CADM1: variants seen among roughly 807,000 people sequenced by gnomAD.
The protein encoded by CADM1 is cell adhesion molecule 1.
Under a neutral mutation model 53.1 loss-of-function variants are expected in CADM1, and 15 were observed. The observed-to-expected ratio is 0.28, with a 90% confidence interval of 0.19 to 0.44. CADM1 has a LOEUF of 0.44. CADM1 is among the 20% of genes least tolerant of loss of function. The probability of loss-of-function intolerance (pLI) is 1.00; values close to 1 mark genes in which losing one functional copy is unlikely to be tolerated. For synonymous variants in CADM1, 281 were observed against 243.0 expected, an observed-to-expected ratio of 1.16 and a Z score of -1.45; for missense variants, 434 against 611.3, an observed-to-expected ratio of 0.71 and a Z score of 3.06.
At chr11:115,477,512 A>T (rs1041635235) in intron 1 of CADM1, among the ~76,000 whole-genome samples, 1 of 152,204 alleles carries the variant, frequency 6.6e-6, no homozygotes, top group Admixed American at 6.5e-5. Context: ...TATATCCACA[A>T]TGTCAACACT....
Position 115,178,690 on chromosome 11 carries a change from C to A in CADM1, c.1251G>T (p.Met417Ile). The change falls in exon 11 of 12, where the codon ATG (methionine) becomes ATT (isoleucine). Residue 417 changes from methionine to isoleucine, a missense_variant. Physicochemically the swap from Met to Ile is conservative, Grantham distance 10. Coordinates refer to ENST00000331581, the MANE Select transcript of CADM1 (RefSeq NM_001301043.2). ...GCCCCAGAATGATGAGCAAGCACAG[C>A]ATGGCGAACACCACCACCGCCACGA... ...GGVVAVVVFAMLCLLIILGRY... is the reference protein window; with the variant it reads ...GGVVAVVVFAILCLLIILGRY... 1 of 1,613,722 alleles carries A rather than the reference C, an allele frequency of 6.2e-7. No individual in the cohort carries two copies. The highest frequency in any genetic ancestry group is 8.5e-7 in the Non-Finnish European group (1 of 1,179,990).
intron 3 of CADM1, among the ~76,000 whole-genome samples, chr11:115,237,258 T>C (rs1942040958): frequency 6.6e-6 from 1 of 152,212 alleles, no homozygotes; most frequent in South Asian, 2.1e-4. Context: ...ACAGGTCTAA[T>C]CTGGAGTAAA....
At position 115,318,240 on chromosome 11, in the gene CADM1, C is replaced by T. The variant is rs181521808; in HGVS notation, c.125-77820G>A. ...CCATTCCTTTTACTTAAAAGCCCTT[C>T]GTTCTTTCATATTCATACATTTAGA... On this transcript the variant is annotated intron_variant, in intron 1 of 11. Coordinates refer to ENST00000331581, the MANE Select transcript of CADM1 (RefSeq NM_001301043.2). 6.4e-4 allele frequency among the ~76,000 whole-genome samples: 98 copies of T among 152,254 alleles called. No individual in the cohort carries two copies. The Middle Eastern group carries it at 0.02, about 32-fold the overall frequency.
At chr11:115,329,732 G>T in intron 1 of CADM1, among the ~76,000 whole-genome samples, 1 of 152,092 alleles carries the variant, frequency 6.6e-6, no homozygotes, top group Non-Finnish European at 1.5e-5. Flanking sequence ...GAAGAATCAG[G>T]TCACACAGAC....
At chr11:115,200,192 ATACT>A (rs1199800814) in intron 8 of CADM1, among the ~76,000 whole-genome samples, 3 of 152,228 alleles carry the variant, frequency 2.0e-5, no homozygotes, top group Admixed American at 6.5e-5. Context: ...TAAGAACAAA[ATACT>A]TACAAGTCAA....
chr11:115,435,006 G>A (rs759169458), intron 1 of CADM1, among the ~76,000 whole-genome samples: 9 of 151,594 alleles, frequency 5.9e-5, no homozygotes, highest in South Asian at 2.1e-4. Context: ...GATTACAGGC[G>A]TGTACCACCA....
chr11:115,415,749 T>G (rs1213052556), intron 1 of CADM1, among the ~76,000 whole-genome samples: 1 of 129,948 alleles, frequency 7.7e-6, no homozygotes, highest in Non-Finnish European at 1.5e-5. Flanking sequence ...GGCAGGAGAA[T>G]CACTTGAACC....
At chr11:115,210,967 T>C (rs1940928905) in intron 7 of CADM1, among the ~76,000 whole-genome samples, 1 of 152,152 alleles carries the variant, frequency 6.6e-6, no homozygotes, top group Non-Finnish European at 1.5e-5. Flanking sequence ...GCTCCGTTCC[T>C]TTAAGATGGG....
intron 1 of CADM1, among the ~76,000 whole-genome samples, chr11:115,287,120 C>A (rs1344551722): frequency 6.6e-6 from 1 of 152,186 alleles, no homozygotes; most frequent in African/African-American, 2.4e-5. Context: ...CAAAGAAAAG[C>A]AGGAACACAT....
chr11:115,262,106 C>A (rs1591651908), intron 1 of CADM1, among the ~76,000 whole-genome samples: 1 of 151,682 alleles, frequency 6.6e-6, no homozygotes, highest in African/African-American at 2.4e-5. Flanking sequence ...TAAATCACAG[C>A]AGCATGTATA....
At chr11:115,214,117 G>A (rs966255873) in intron 7 of CADM1, among the ~76,000 whole-genome samples, 1 of 152,178 alleles carries the variant, frequency 6.6e-6, no homozygotes, top group Non-Finnish European at 1.5e-5. Flanking sequence ...GGTGGTTCAT[G>A]TAGCTACAAG....
chr11:115,462,772 A>G (rs1948823445), intron 1 of CADM1, among the ~76,000 whole-genome samples: 1 of 152,204 alleles, frequency 6.6e-6, no homozygotes, highest in Non-Finnish European at 1.5e-5. Context: ...CTGACTTTCA[A>G]GGCAGGAAGG....
intron 1 of CADM1, among the ~76,000 whole-genome samples, chr11:115,299,678 A>G (rs141670345): frequency 9.2e-5 from 14 of 152,260 alleles, no homozygotes; most frequent in African/African-American, 3.4e-4. Flanking sequence ...TATTTGTCTT[A>G]AGGTTGGACT....
chr11:115,257,511 G>C (rs1942831672), intron 1 of CADM1, among the ~76,000 whole-genome samples: 2 of 152,112 alleles, frequency 1.3e-5, no homozygotes, highest in Admixed American at 6.5e-5. Flanking sequence ...TTAGAATGCT[G>C]GTATTCTCTA....
chr11:115,437,193 T>C (rs1433880756), intron 1 of CADM1, among the ~76,000 whole-genome samples: 1 of 152,198 alleles, frequency 6.6e-6, no homozygotes, highest in Non-Finnish European at 1.5e-5. Flanking sequence ...AGGGTAATGG[T>C]AAGAAATGCA....
rs539707228 is a variant in CADM1 at position 115,389,520 on chromosome 11, A to AT, written c.124+114750dup. On this transcript the variant is annotated intron_variant, in intron 1 of 11. Coordinates refer to ENST00000331581, the MANE Select transcript of CADM1 (RefSeq NM_001301043.2). ...AAAAACTGAGGAGAATGGTTAAATT[A>AT]TGCTATGTAAATTCCAAAGAACATT... is the stretch of plus-strand genomic sequence containing the variant. Among the ~76,000 whole-genome samples the AT allele has an allele frequency of 1.5e-4, 23 of 152,364 alleles. No homozygotes were observed. The South Asian group carries it at 4.6e-3, about 30-fold the overall frequency.
At chr11:115,200,008 G>A (rs1291349157) in intron 8 of CADM1, among the ~76,000 whole-genome samples, 9 of 152,094 alleles carry the variant, frequency 5.9e-5, no homozygotes, top group African/African-American at 1.4e-4. Flanking sequence ...AATTCACACC[G>A]GCATTCCCCT....
intron 3 of CADM1, among the ~76,000 whole-genome samples, chr11:115,234,893 CAAAAAAAAA>C (rs57197514): frequency 2.7e-4 from 20 of 75,388 alleles, no homozygotes; most frequent in African/African-American, 8.5e-4. Flanking sequence ...ACTCCGTCTC[CAAAAAAAAA>C]AAAAAAAAAA....
chr11:115,183,497 C>T (rs1193815451), intron 10 of CADM1, among the ~76,000 whole-genome samples: 1 of 152,198 alleles, frequency 6.6e-6, no homozygotes, highest in Non-Finnish European at 1.5e-5. Context: ...GGGACTTTGG[C>T]AGAAGGACTC....
Sources: allele counts gnomAD v4.1 joint callset (sites outside exome capture counted in the v4.1 genomes callset), GRCh38; gene constraint gnomAD v4.1.1; transcripts MANE v1.5; gene names NCBI Gene and HGNC (gene_info 2026-07-23, HGNC 2026-07-21).